The following COL4A5 variants were observed in gnomAD, a reference collection of about 807,000 sequenced individuals.
COL4A5 encodes the protein collagen type IV alpha 5 chain.
COL4A5 carries 26 observed loss-of-function variants against 130.2 expected under a neutral mutation model. The ratio of observed to expected loss-of-function variants is 0.20; its 90% confidence interval spans 0.15 to 0.28. The LOEUF is 0.28. COL4A5 is among the 10% of genes least tolerant of loss of function. The probability of loss-of-function intolerance (pLI) is 1.00; values close to 1 mark genes in which losing one functional copy is unlikely to be tolerated. For missense variants in COL4A5, 1,131 were observed against 1,344.3 expected, an observed-to-expected ratio of 0.84 and a Z score of 2.48; for synonymous variants, 496 against 439.6, an observed-to-expected ratio of 1.13 and a Z score of -1.60.
chrX:108,598,674 T>C (rs1434273396), intron 24 of COL4A5, 28 bp from the exon 25 acceptor site: 1 of 1,184,410 alleles, frequency 8.4e-7, no homozygotes, highest in Non-Finnish European at 1.1e-6. Context: ...TATCTATATG[T>C]TTCTGTATTA....
chrX:108,680,625 C>T, intron 44 of COL4A5, 54 bp from the exon 45 acceptor site: 1 of 976,654 alleles, frequency 1.0e-6, no homozygotes, highest in South Asian at 1.9e-5. Flanking sequence ...CCCTCAATCA[C>T]CTTCCTCCCC....
intron 22 of COL4A5, 62 bp from the exon 23 acceptor site, chrX:108,596,936 G>C (rs1365932479): frequency 1.7e-5 from 19 of 1,096,956 alleles, no homozygotes; most frequent in Non-Finnish European, 2.1e-5. Context: ...TTTGTCAGGA[G>C]TTCAAGCTCA....
intron 1 of COL4A5, among the ~76,000 whole-genome samples, chrX:108,482,671 T>C (rs1258981320): frequency 8.9e-6 from 1 of 111,747 alleles, no homozygotes; most frequent in Non-Finnish European, 1.9e-5. Flanking sequence ...GCATCTTTCA[T>C]TGCAGGCCAG....
chrX:108,559,738 G>A (rs1381132714), intron 3 of COL4A5, among the ~76,000 whole-genome samples: 2 of 111,879 alleles, frequency 1.8e-5, no homozygotes, highest in East Asian at 5.6e-4. Context: ...TACTGAATCA[G>A]AGTGCAGAAA....
At chrX:108,602,105 T>C (rs1363340840) in intron 27 of COL4A5, 116 bp downstream of exon 27, 1 of 453,097 alleles carries the variant, frequency 2.2e-6, no homozygotes, top group Non-Finnish European at 3.9e-6. Flanking sequence ...CTCTGTGCTA[T>C]AAAGAATGTA....
intron 1 of COL4A5, among the ~76,000 whole-genome samples, chrX:108,530,531 A>T (rs1239669649): frequency 5.8e-5 from 6 of 103,985 alleles, no homozygotes; most frequent in African/African-American, 2.1e-4. Flanking sequence ...CAACCCCATC[A>T]AAAAGTGGGC....
intron 2 of COL4A5, among the ~76,000 whole-genome samples, chrX:108,548,478 T>A (rs758481686): frequency 1.8e-5 from 2 of 110,314 alleles, no homozygotes; most frequent in African/African-American, 6.6e-5. Context: ...TGTGACAGTG[T>A]CAAATGGTCT....
chrX:108,656,393 A>G (rs909406005), intron 37 of COL4A5, among the ~76,000 whole-genome samples: 3 of 112,268 alleles, frequency 2.7e-5, no homozygotes, highest in African/African-American at 9.7e-5. Flanking sequence ...ACAGTCAATT[A>G]CACATTCCCC....
intron 2 of COL4A5, among the ~76,000 whole-genome samples, chrX:108,546,059 T>C (rs1044116854): frequency 5.3e-5 from 6 of 112,164 alleles, no homozygotes; most frequent in African/African-American, 1.9e-4. Flanking sequence ...TCACTCTTTA[T>C]CCAATTTGCC....
At chrX:108,524,707 C>T (rs1314293420) in intron 1 of COL4A5, among the ~76,000 whole-genome samples, 1 of 110,919 alleles carries the variant, frequency 9.0e-6, no homozygotes, top group Non-Finnish European at 1.9e-5. Context: ...TTTTCACTCA[C>T]CTCAAAATAT....
intron 48 of COL4A5, 43 bp from the exon 49 acceptor site, chrX:108,687,439 A>C: frequency 1.8e-6 from 2 of 1,087,473 alleles, no homozygotes; most frequent in Non-Finnish European, 2.6e-6. Context: ...AGAGTGGATC[A>C]GAGCTTACTT....
At chrX:108,531,210 G>T (rs1321796846) in intron 1 of COL4A5, among the ~76,000 whole-genome samples, 1 of 66,898 alleles carries the variant, frequency 1.5e-5, no homozygotes, top group Non-Finnish European at 2.7e-5. Context: ...GGACTGTTGT[G>T]GGGTGGGGGG....
chrX:108,629,514 T>C (rs2067213437), intron 36 of COL4A5, among the ~76,000 whole-genome samples: 1 of 111,045 alleles, frequency 9.0e-6, no homozygotes. Flanking sequence ...AAGATTTGTG[T>C]ATGGAATATG....
At chrX:108,519,405 C>A (rs980906392) in intron 1 of COL4A5, among the ~76,000 whole-genome samples, 1 of 110,875 alleles carries the variant, frequency 9.0e-6, no homozygotes, top group African/African-American at 3.3e-5. Flanking sequence ...AACATCTGTT[C>A]CTGTCCTCAT....
At chrX:108,621,068 T>TTTTCTTTCTTTCTCTCTTCTCTC (rs1429682358) in intron 31 of COL4A5, among the ~76,000 whole-genome samples, 1 of 109,706 alleles carries the variant, frequency 9.1e-6, no homozygotes, top group Non-Finnish European at 1.9e-5. Flanking sequence ...TCTTTCTTTC[T>TTTTCTTTCTTTCTCTCTTCTCTC]TTTCTTTCTT....
intron 30 of COL4A5, 99 bp downstream of exon 30, chrX:108,615,123 GA>G: frequency 1.7e-6 from 1 of 594,443 alleles, no homozygotes; most frequent in South Asian, 2.4e-5. Flanking sequence ...TCCAGAAGCA[GA>G]CTTAAAAGGC....
At chrX:108,670,748 A>G in intron 42 of COL4A5, 1 of 327,016 alleles carries the variant, frequency 3.1e-6, no homozygotes, top group East Asian at 9.7e-5. Context: ...GCTGTTAAAA[A>G]TGGACTAATA....
rs774214872 is a variant in COL4A5, at chrX:108,580,682, G to C, written c.835G>C (p.Gly279Arg). The part of the protein sequence containing the change: ...PGPPGIRGPP[G>R]PPGGEKGEKG... ...TGTGAAACTATTTTTATGTGTACAG[G>C]GTCCCCCAGGTGGTGAGAAAGGTGA... is the stretch of plus-strand genomic sequence containing the variant. The change falls in exon 15 of 53, where the codon GGT (glycine) becomes CGT (arginine). Residue 279 changes from glycine to arginine, a missense_variant and splice_region_variant. Physicochemically the swap from Gly to Arg is moderately radical, Grantham distance 125. Coordinates refer to ENST00000328300, the MANE Select transcript of COL4A5 (RefSeq NM_033380.3). 1.7e-5 allele frequency: 20 copies of C among 1,208,046 alleles called. No homozygotes were observed. The highest frequency in any genetic ancestry group is 5.3e-5 in the South Asian group (3 of 56,770).
At chrX:108,482,737 A>G (rs766186538) in intron 1 of COL4A5, among the ~76,000 whole-genome samples, 40 of 111,644 alleles carry the variant, frequency 3.6e-4, no homozygotes, top group South Asian at 7.7e-4. Context: ...TTTCTCTACA[A>G]GGGCGAAGAC....
Sources: gnomAD v4.1 joint callset for allele counts (sites outside exome capture counted in the v4.1 genomes callset) on GRCh38, gnomAD v4.1.1 for gene constraint, MANE v1.5 for transcripts, NCBI Gene and HGNC (gene_info 2026-07-23, HGNC 2026-07-21) for gene names.